Variants in DOCK8 observed in about 807,000 individuals in gnomAD.
DOCK8 encodes dedicator of cytokinesis 8.
A neutral mutation model predicts 245.6 loss-of-function variants in DOCK8; 141 were observed. The observed-to-expected ratio is 0.57, with a 90% confidence interval of 0.50 to 0.66. The LOEUF (loss-of-function observed/expected upper bound fraction) is 0.66, where lower values mean the gene tolerates loss of function less well. Among genes scored for constraint, DOCK8 ranks in the 30% least tolerant of loss-of-function variants. The pLI, the probability that DOCK8 is intolerant of heterozygous loss-of-function variation, is 0.00. For synonymous variants in DOCK8, 1,168 were observed against 970.2 expected, an observed-to-expected ratio of 1.20 and a Z score of -3.79; for missense variants, 2,965 against 2,603.4, an observed-to-expected ratio of 1.14 and a Z score of -3.02.
chr9:215,258 T>G, intron 1 of DOCK8: 2 of 1,601,044 alleles, frequency 1.2e-6, no homozygotes, highest in South Asian at 1.1e-5. Context: ...TCGGTGCTCC[T>G]GGATGTCCTC....
chr9:275,486 TG>T (rs1241074607), intron 2 of DOCK8, among the ~76,000 whole-genome samples: 4 of 152,220 alleles, frequency 2.6e-5, no homozygotes, highest in Non-Finnish European at 4.4e-5. Flanking sequence ...TCAGAATTCC[TG>T]GGGGTGGGGA....
intron 22 of DOCK8, among the ~76,000 whole-genome samples, chr9:385,949 A>T (rs546884907): frequency 1.3e-5 from 2 of 152,112 alleles, no homozygotes; most frequent in East Asian, 3.9e-4. Context: ...GTTTTTGACA[A>T]TGTATTGGTG....
intron 23 of DOCK8, among the ~76,000 whole-genome samples, chr9:387,483 G>A (rs74604641): frequency 0.017 from 2,641 of 151,868 alleles, 47 homozygotes; most frequent in East Asian, 0.064. Context: ...TATGCTTATT[G>A]CAAAGGATAA....
rs1282648372 is a variant in DOCK8 at position 288,898 on chromosome 9, A to T, written c.333-612A>T. Among the ~76,000 whole-genome samples the T allele has an allele frequency of 2.0e-5, 3 of 152,358 alleles. No individual in the cohort carries two copies. In the East Asian group the frequency reaches 5.8e-4, roughly 29 times the overall value. ...TTTAAGCCTGTTTATTTCTGGTACTAATGCATTTGCAACAATAGCAAAAAG... is the reference window on the plus strand; with the variant it reads ...TTTAAGCCTGTTTATTTCTGGTACTTATGCATTTGCAACAATAGCAAAAAG... On this transcript the variant is annotated intron_variant, in intron 3 of 47. Coordinates refer to ENST00000432829, the MANE Select transcript of DOCK8 (RefSeq NM_203447.4).
At chr9:243,568 C>A (rs2047428492) in intron 1 of DOCK8, among the ~76,000 whole-genome samples, 1 of 152,192 alleles carries the variant, frequency 6.6e-6, no homozygotes, top group Non-Finnish European at 1.5e-5. Context: ...CCAATATTTA[C>A]TGACTGACCC....
intron 6 of DOCK8, chr9:312,947 A>G (rs772892802): frequency 6.6e-6 from 1 of 151,360 alleles, no homozygotes; most frequent in Non-Finnish European, 1.5e-5. Flanking sequence ...TGGAAGAAAC[A>G]GGATTTGAGG....
chr9:239,773 C>G (rs2047338614), intron 1 of DOCK8, among the ~76,000 whole-genome samples: 1 of 152,172 alleles, frequency 6.6e-6, no homozygotes. Context: ...ATACATACTT[C>G]TACAAAACTG....
chr9:286,589 C>G lies in DOCK8; in HGVS notation c.285C>G (p.Phe95Leu), dbSNP rs1242451183. 6.2e-7 allele frequency: 1 copy of G among 1,613,936 alleles called. No homozygotes were observed. Among genetic ancestry groups the G allele is most frequent in the South Asian group, 1.1e-5 (1 of 91,066 alleles). The change falls in exon 3 of 48, where the codon TTC becomes TTG. Residue 95 changes from phenylalanine (F) to leucine (L), a missense_variant. Coordinates refer to ENST00000432829, the MANE Select transcript of DOCK8 (RefSeq NM_203447.4). ...CTGATGACGACTTGGACGTGGTGTTCACGCCAAAGGAATGTAGGACTTTGC... is the reference window on the plus strand; with the variant it reads ...CTGATGACGACTTGGACGTGGTGTTGACGCCAAAGGAATGTAGGACTTTGC... ...DFTDDDLDVV[F>L]TPKECRTLQP...
chr9:343,773 G>T (rs1201048471), intron 14 of DOCK8, among the ~76,000 whole-genome samples: 1 of 152,186 alleles, frequency 6.6e-6, no homozygotes, highest in East Asian at 1.9e-4. Flanking sequence ...TGGATGCTTT[G>T]TATCTTTTTA....
rs549410719 is a variant in DOCK8, at chr9:333,470, A to T, written c.1126-755A>T. On this transcript the variant is annotated intron_variant, in intron 10 of 47. Coordinates refer to ENST00000432829, the MANE Select transcript of DOCK8 (RefSeq NM_203447.4). ...CAAAAAATTAGCCGGGCATGGTGGC[A>T]CGTGCCTGTATTCCCAGCTTCTCAG... 3.3e-5 allele frequency among the ~76,000 whole-genome samples: 5 copies of T among 152,204 alleles called. No homozygotes were observed. In the East Asian group the frequency reaches 7.7e-4, roughly 24 times the overall value.
chr9:398,872 A>G (rs538033681), intron 25 of DOCK8, among the ~76,000 whole-genome samples: 1 of 152,272 alleles, frequency 6.6e-6, no homozygotes, highest in South Asian at 2.1e-4. Context: ...TATATAGAGA[A>G]TGAGGTTAAT....
chr9:308,063 A>G (rs2049930539), intron 5 of DOCK8, among the ~76,000 whole-genome samples: 1 of 152,196 alleles, frequency 6.6e-6, no homozygotes, highest in Admixed American at 6.5e-5. Flanking sequence ...GGATGGATGG[A>G]GAAGGGAATA....
chr9:220,835 C>T (rs758189541), intron 1 of DOCK8: 2 of 338,900 alleles, frequency 5.9e-6, no homozygotes, highest in South Asian at 4.4e-5. Context: ...ATTCTCCTGC[C>T]TCAGCCTCCT....
intron 26 of DOCK8, among the ~76,000 whole-genome samples, chr9:400,968 C>CCACCACCACCACCAG (rs200058871): frequency 1.5e-4 from 18 of 118,748 alleles, no homozygotes; most frequent in South Asian, 2.9e-4. Flanking sequence ...ACCACCACCT[C>CCACCACCACCACCAG]CTCCACCATC....
intron 1 of DOCK8, among the ~76,000 whole-genome samples, chr9:254,074 G>A (rs2047713929): frequency 6.6e-6 from 1 of 152,164 alleles, no homozygotes; most frequent in African/African-American, 2.4e-5. Context: ...TAATATTTGG[G>A]AACTGCATAG....
At chr9:355,144 G>C (rs1415975335) in intron 14 of DOCK8, among the ~76,000 whole-genome samples, 1 of 151,190 alleles carries the variant, frequency 6.6e-6, no homozygotes, top group Non-Finnish European at 1.5e-5. Context: ...AGGACAACGT[G>C]CCTCATGAAA....
At chr9:367,848 T>C (rs2053081849) in intron 14 of DOCK8, among the ~76,000 whole-genome samples, 170 bp from the exon 15 acceptor site, 1 of 152,194 alleles carries the variant, frequency 6.6e-6, no homozygotes, top group East Asian at 1.9e-4. Context: ...TGACTGTAGC[T>C]GAAGAGGAAG....
At chr9:411,775 T>C (rs928561236) in intron 28 of DOCK8, among the ~76,000 whole-genome samples, 7 of 152,188 alleles carry the variant, frequency 4.6e-5, no homozygotes, top group Admixed American at 2.6e-4. Flanking sequence ...GAATGCAAGA[T>C]AGGCTGCATA....
chr9:394,101 T>C (rs1352277736), intron 24 of DOCK8, among the ~76,000 whole-genome samples: 2 of 152,106 alleles, frequency 1.3e-5, no homozygotes, highest in South Asian at 2.1e-4. Flanking sequence ...GCAGTGGAAG[T>C]GAGTAACTAC....
Sources: allele counts gnomAD v4.1 joint callset (sites outside exome capture counted in the v4.1 genomes callset), GRCh38; gene constraint gnomAD v4.1.1; transcripts MANE v1.5; gene names NCBI Gene and HGNC (gene_info 2026-07-23, HGNC 2026-07-21).